SLC35F1: variants seen among roughly 807,000 people sequenced by gnomAD.
SLC35F1 encodes the protein chromosome 6 open reading frame 169.
A neutral mutation model predicts 48.7 loss-of-function variants in SLC35F1; 14 were observed. The observed-to-expected ratio is 0.29, with a 90% CI of 0.19 to 0.45. SLC35F1 has a LOEUF of 0.45. SLC35F1 is among the 20% of genes least tolerant of loss of function. SLC35F1 has a pLI of 1.00. For missense variants in SLC35F1, 404 were observed against 500.0 expected, an observed-to-expected ratio of 0.81 and a Z score of 1.83; for synonymous variants, 190 against 202.2, an observed-to-expected ratio of 0.94 and a Z score of 0.51.
At chr6:118,048,635 A>G (rs1034853934) in intron 1 of SLC35F1, among the ~76,000 whole-genome samples, 2 of 152,198 alleles carry the variant, frequency 1.3e-5, no homozygotes, top group Non-Finnish European at 2.9e-5. Context: ...AGAATAAAAT[A>G]CCTAGGAATC....
At chr6:117,999,432 C>A (rs6928714) in intron 1 of SLC35F1, 549,165 of 1,581,946 alleles carry the variant, frequency 0.35, 96,621 homozygotes, top group Admixed American at 0.4. Flanking sequence ...CAGGCCCCTA[C>A]AAAGGCTTCA....
At chr6:118,187,921 G>A (rs766036662) in intron 2 of SLC35F1, among the ~76,000 whole-genome samples, 42 of 152,204 alleles carry the variant, frequency 2.8e-4, no homozygotes, top group Non-Finnish European at 7.3e-5. Context: ...CAATTCCTCT[G>A]GGACCACTAC....
At chr6:118,085,269 C>A (rs1337831011) in intron 1 of SLC35F1, among the ~76,000 whole-genome samples, 3 of 152,090 alleles carry the variant, frequency 2.0e-5, no homozygotes. Flanking sequence ...TAGTGTGGTC[C>A]ACTTTCAGGG....
At chr6:118,295,335 A>G (rs1776171305) in intron 7 of SLC35F1, among the ~76,000 whole-genome samples, 1 of 152,198 alleles carries the variant, frequency 6.6e-6, no homozygotes, top group Non-Finnish European at 1.5e-5. Context: ...TTTTATTTAT[A>G]AGTGAAGATG....
At chr6:118,150,361 C>G (rs1316115701) in intron 1 of SLC35F1, among the ~76,000 whole-genome samples, 1 of 152,184 alleles carries the variant, frequency 6.6e-6, no homozygotes, top group Non-Finnish European at 1.5e-5. Flanking sequence ...TCTTGTTCAT[C>G]TTTGCATGCA....
intron 6 of SLC35F1, among the ~76,000 whole-genome samples, chr6:118,277,865 A>G (rs1775936610): frequency 6.6e-6 from 1 of 152,252 alleles, no homozygotes; most frequent in African/African-American, 2.4e-5. Flanking sequence ...CATAAGTGAC[A>G]GCAATTTGCC....
At chr6:118,265,747 A>G (rs1292159646) in intron 3 of SLC35F1, among the ~76,000 whole-genome samples, 1 of 152,222 alleles carries the variant, frequency 6.6e-6, no homozygotes, top group East Asian at 1.9e-4. Flanking sequence ...ATGAAAGTGA[A>G]GGAGTATTGA....
At chr6:117,935,122 T>C (rs1776148599) in intron 1 of SLC35F1, among the ~76,000 whole-genome samples, 3 of 152,072 alleles carry the variant, frequency 2.0e-5, no homozygotes, top group Admixed American at 1.3e-4. Context: ...AATAAATAAA[T>C]AAATAAACTA....
chr6:117,922,485 C>T (rs1775912496), intron 1 of SLC35F1, among the ~76,000 whole-genome samples: 1 of 152,184 alleles, frequency 6.6e-6, no homozygotes, highest in Non-Finnish European at 1.5e-5. Flanking sequence ...GGTTAGGTCC[C>T]TGCTCTCAAG....
intron 1 of SLC35F1, among the ~76,000 whole-genome samples, chr6:118,079,108 C>G (rs1256530061): frequency 6.6e-6 from 1 of 152,104 alleles, no homozygotes; most frequent in Non-Finnish European, 1.5e-5. Flanking sequence ...TAAATACAGT[C>G]AAATGTTATG....
chr6:118,287,326 C>T (rs373057554), intron 7 of SLC35F1, among the ~76,000 whole-genome samples: 1 of 152,196 alleles, frequency 6.6e-6, no homozygotes, highest in Admixed American at 6.5e-5. Flanking sequence ...ACATCTAGTC[C>T]ATTACTTGGT....
At chr6:118,140,651 A>G (rs1319921468) in intron 1 of SLC35F1, among the ~76,000 whole-genome samples, 6 of 150,946 alleles carry the variant, frequency 4.0e-5, no homozygotes, top group African/African-American at 1.2e-4. Context: ...CAGGTCCTTC[A>G]GGAGATATCC....
At chr6:118,112,851 T>A (rs1773428380) in intron 1 of SLC35F1, among the ~76,000 whole-genome samples, 1 of 152,112 alleles carries the variant, frequency 6.6e-6, no homozygotes, top group African/African-American at 2.4e-5. Context: ...CTTACAAATA[T>A]GATCAATATC....
At chr6:118,213,447 T>C (rs1775034052) in intron 2 of SLC35F1, among the ~76,000 whole-genome samples, 1 of 152,204 alleles carries the variant, frequency 6.6e-6, no homozygotes, top group Non-Finnish European at 1.5e-5. Context: ...TTGGTTCAAC[T>C]AGAATGTGAA....
intron 1 of SLC35F1, among the ~76,000 whole-genome samples, chr6:118,109,123 C>T (rs1387936660): frequency 2.0e-5 from 3 of 152,080 alleles, no homozygotes; most frequent in Non-Finnish European, 4.4e-5. Flanking sequence ...AGATGAAATT[C>T]AGGGAAAGCA....
At chr6:118,108,264 A>G (rs1414815198) in intron 1 of SLC35F1, among the ~76,000 whole-genome samples, 2 of 152,188 alleles carry the variant, frequency 1.3e-5, no homozygotes, top group African/African-American at 4.8e-5. Flanking sequence ...TGCTAGTTCT[A>G]TAATTTTCTT....
At chr6:118,016,218 AC>A (rs1418983828) in intron 1 of SLC35F1, among the ~76,000 whole-genome samples, 1 of 152,154 alleles carries the variant, frequency 6.6e-6, no homozygotes. Flanking sequence ...TTCTTCTCTA[AC>A]CCATGCATTA....
At chr6:118,138,319 A>G (rs968142470) in intron 1 of SLC35F1, among the ~76,000 whole-genome samples, 76 of 152,106 alleles carry the variant, frequency 5.0e-4, no homozygotes, top group Non-Finnish European at 7.8e-4. Flanking sequence ...AAAAAAAAAA[A>G]AAATTAAAAA....
At chr6:118,063,431 A>T (rs1318818394) in intron 1 of SLC35F1, among the ~76,000 whole-genome samples, 1 of 152,224 alleles carries the variant, frequency 6.6e-6, no homozygotes. Context: ...AAGGGAAATT[A>T]CACAATATTT....
Sources: allele counts gnomAD v4.1 joint callset (sites outside exome capture counted in the v4.1 genomes callset), GRCh38; gene constraint gnomAD v4.1.1; transcripts MANE v1.5; gene names NCBI Gene and HGNC (gene_info 2026-07-23, HGNC 2026-07-21).